Variants in ARMC2 observed in about 807,000 individuals in gnomAD.
ARMC2 encodes the protein armadillo repeat containing 2, also known as armadillo repeat-containing protein 2.
In ARMC2, 67 loss-of-function variants were observed where a neutral mutation model predicts 90.3. The ratio of observed to expected loss-of-function variants is 0.74; its 90% CI spans 0.61 to 0.91. The LOEUF is 0.91. Ranked by LOEUF, ARMC2 falls within the 40% of genes least tolerant of loss-of-function variation. ARMC2 has a pLI of 0.00. For synonymous variants in ARMC2, 393 were observed against 393.0 expected (o/e 1.00, Z 0.00); for missense variants, 920 against 1,030.9 (o/e 0.89, Z 1.47).
In ARMC2 at chr6:108,864,539, G is replaced by A. The variant is rs116154249; in HGVS notation, c.292-4285G>A. Among the ~76,000 whole-genome samples the A allele has an allele frequency of 4.1e-3, 626 of 152,158 alleles. 2 individuals are homozygous for A. Among genetic ancestry groups the A allele is most frequent in the African/African-American group, 0.014 (584 of 41,506 alleles). ...TGGGATTACAGGCATGAGCCACCAC[G>A]CCTGGCGGCTTGCGAGAATGTTTAA... is the stretch of plus-strand genomic sequence containing the variant. On this transcript the variant is annotated intron_variant, in intron 3 of 17. Transcript: ENST00000392644.
In ARMC2 at chr6:108,953,060, C is replaced by T. The variant is rs759137961; in HGVS notation, c.1624C>T (p.Leu542Phe). 2 of 1,612,020 alleles carry T rather than the reference C, an allele frequency of 1.2e-6. No individual in the cohort carries two copies. The highest frequency in any genetic ancestry group is 2.7e-5 in the African/African-American group (2 of 74,882). Residue 542 changes from leucine (L) to phenylalanine (F), a missense_variant, in exon 13 of 18, where the codon CTT (leucine) becomes TTT (phenylalanine). Transcript: ENST00000392644. ...TTTAGTCGTCCGTGTTGTTTTTATT[C>T]TTGGCAACCTGACGGCAAAAAATAA... ...QDLVVRVVFI[L>F]GNLTAKNNQA...
At chr6:108,914,950 A>ATT (rs71776577) in intron 10 of ARMC2, among the ~76,000 whole-genome samples, 7 of 144,618 alleles carry the variant, frequency 4.8e-5, no homozygotes, top group Admixed American at 1.4e-4. Context: ...CTCAGCAGGC[A>ATT]TTTTTTTTTT....
At chr6:108,952,337 G>A (rs957363057) in intron 12 of ARMC2, among the ~76,000 whole-genome samples, 21 of 152,202 alleles carry the variant, frequency 1.4e-4, no homozygotes, top group Non-Finnish European at 3.1e-4. Flanking sequence ...ACAGAAAAGT[G>A]CATAAAACGG....
At chr6:108,856,823 CTA>C (rs1480602702) in intron 2 of ARMC2, 4 of 152,360 alleles carry the variant, frequency 2.6e-5, no homozygotes, top group Middle Eastern at 3.4e-3. Flanking sequence ...TTTGAAGAAG[CTA>C]TGTTTTCTCC....
downstream of ARMC2, among the ~76,000 whole-genome samples, chr6:108,979,398 G>A (rs574587573): frequency 2.4e-4 from 36 of 152,118 alleles, no homozygotes; most frequent in Admixed American, 3.9e-4. Flanking sequence ...TGGGTAATCC[G>A]ACCTTTCTCT....
chr6:108,860,830 G>C (rs1262242145), intron 3 of ARMC2, among the ~76,000 whole-genome samples: 2 of 152,082 alleles, frequency 1.3e-5, no homozygotes, highest in African/African-American at 4.8e-5. Context: ...TATATTCTCT[G>C]TAAAGAAGTA....
intron 12 of ARMC2, among the ~76,000 whole-genome samples, chr6:108,937,907 A>G (rs904722706): frequency 4.6e-5 from 7 of 152,052 alleles, no homozygotes; most frequent in African/African-American, 7.3e-5. Flanking sequence ...CGTGTTAGCC[A>G]GGATGGTCTT....
In ARMC2 at chr6:108,905,451, A is replaced by G. The variant is rs1329064650; in HGVS notation, c.1023+1046A>G. The stretch of plus-strand genomic sequence containing the variant: ...CACTCCAGGGCTCTGGCGGTGCAGC[A>G]GCTGCCCAAAGATTGCCTTTGCTAT... On this transcript the variant is annotated intron_variant, in intron 8 of 17. Transcript: ENST00000392644. 5.9e-5 allele frequency among the ~76,000 whole-genome samples: 9 copies of G among 152,176 alleles called. No homozygotes were observed. The South Asian group carries it at 1.9e-3, about 32-fold the overall frequency.
At chr6:108,878,099 G>A (rs573526849) in intron 5 of ARMC2, among the ~76,000 whole-genome samples, 1 of 152,294 alleles carries the variant, frequency 6.6e-6, no homozygotes, top group African/African-American at 2.4e-5. Flanking sequence ...AGTTTACGTA[G>A]TAGGATTAAA....
chr6:108,881,284 TC>T (rs1777538655), intron 5 of ARMC2, among the ~76,000 whole-genome samples: 1 of 119,796 alleles, frequency 8.3e-6, no homozygotes, highest in Non-Finnish European at 1.7e-5. Context: ...CTCCCTCCCC[TC>T]CCCTCCCCTC....
intron 5 of ARMC2, among the ~76,000 whole-genome samples, chr6:108,890,154 C>CACT (rs1770817854): frequency 7.8e-6 from 1 of 127,638 alleles, no homozygotes; most frequent in African/African-American, 3.1e-5. Context: ...CCCGCCACTG[C>CACT]ACTCCAGCCT....
At chr6:108,962,276 C>A in intron 15 of ARMC2, 149 bp downstream of exon 15, 1 of 690,382 alleles carries the variant, frequency 1.4e-6, no homozygotes, top group South Asian at 1.7e-5. Context: ...CTCAGGATGC[C>A]AAGATGGACC....
chr6:108,931,387 C>T (rs1001453847), intron 11 of ARMC2, among the ~76,000 whole-genome samples: 3 of 151,800 alleles, frequency 2.0e-5, no homozygotes, highest in East Asian at 1.9e-4. Flanking sequence ...TGAACATTAG[C>T]GTGCATGTAT....
chr6:108,929,037 G>A (rs1281496127), intron 11 of ARMC2, among the ~76,000 whole-genome samples: 2 of 151,954 alleles, frequency 1.3e-5, no homozygotes, highest in African/African-American at 2.4e-5. Context: ...TTGTTACGTG[G>A]GTAAATTGTA....
At chr6:108,915,676 T>C (rs185285482) in intron 10 of ARMC2, among the ~76,000 whole-genome samples, 2 of 152,048 alleles carry the variant, frequency 1.3e-5, no homozygotes, top group African/African-American at 4.8e-5. Flanking sequence ...GTTTGGGAGG[T>C]GCTGAAGAGG....
chr6:108,938,981 T>G (rs932047778), intron 12 of ARMC2, among the ~76,000 whole-genome samples: 11 of 151,146 alleles, frequency 7.3e-5, no homozygotes, highest in South Asian at 4.2e-4. Context: ...TGTCCTAAAG[T>G]TTTTTTTTGT....
At chr6:108,950,457 G>A (rs559723392) in intron 12 of ARMC2, among the ~76,000 whole-genome samples, 16 of 152,278 alleles carry the variant, frequency 1.1e-4, no homozygotes, top group African/African-American at 3.8e-4. Flanking sequence ...AAAAGAGTGA[G>A]ATCATGTCCT....
intron 7 of ARMC2, among the ~76,000 whole-genome samples, chr6:108,901,671 C>T (rs1239906393): frequency 6.6e-6 from 1 of 152,160 alleles, no homozygotes; most frequent in Non-Finnish European, 1.5e-5. Flanking sequence ...CCTGCCTCGG[C>T]CTTCCAAAGT....
intron 6 of ARMC2, 70 bp downstream of exon 6, chr6:108,894,613 T>A: frequency 7.3e-7 from 1 of 1,366,742 alleles, no homozygotes; most frequent in South Asian, 1.4e-5. Flanking sequence ...ACTGAAGATA[T>A]CTATGTTGGC....
Sources: gnomAD v4.1 joint callset for allele counts (sites outside exome capture counted in the v4.1 genomes callset) on GRCh38, gnomAD v4.1.1 for gene constraint, MANE v1.5 for transcripts, NCBI Gene and HGNC (gene_info 2026-07-23, HGNC 2026-07-21) for gene names.